GALNT18: variants seen among roughly 807,000 people sequenced by gnomAD.
The protein encoded by GALNT18 is polypeptide N-acetylgalactosaminyltransferase 18.
In GALNT18, 44 loss-of-function variants were observed where a neutral mutation model predicts 69.5. That is an observed-to-expected ratio of 0.63 (90% CI 0.50 to 0.81). GALNT18 has a LOEUF of 0.81. Among genes scored for constraint, GALNT18 ranks in the 40% least tolerant of loss-of-function variants. The pLI is 0.00. For missense variants in GALNT18, 715 were observed against 810.0 expected (o/e 0.88, Z 1.42); for synonymous variants, 364 against 318.2 (o/e 1.14, Z -1.53).
At chr11:11,513,168 C>T (rs1047175586) in intron 1 of GALNT18, among the ~76,000 whole-genome samples, 1 of 152,170 alleles carries the variant, frequency 6.6e-6, no homozygotes, top group Admixed American at 6.5e-5. Flanking sequence ...CAAGTCCAAA[C>T]TTGAGTGCTC....
intron 8 of GALNT18, among the ~76,000 whole-genome samples, chr11:11,329,688 C>T (rs1435624036): frequency 2.0e-5 from 3 of 152,228 alleles, no homozygotes. Flanking sequence ...GTCTCAGTCT[C>T]ACTGTATATC....
chr11:11,432,510 G>T lies in GALNT18; in HGVS notation c.595+111C>A. The T allele has an allele frequency of 9.1e-7, 1 of 1,103,368 alleles. No homozygotes were observed. Among genetic ancestry groups the T allele is most frequent in the Non-Finnish European group, 1.3e-6 (1 of 780,014 alleles). 68.3% of individuals were successfully genotyped at this position (1,103,368 alleles called of 1,614,324 possible). A position where few individuals can be genotyped will look rare whatever the true frequency, so the allele number is the denominator to read the frequency against. On this transcript the variant is annotated intron_variant, in intron 3 of 10. Coordinates refer to ENST00000227756, the MANE Select transcript of GALNT18 (RefSeq NM_198516.3). The surrounding 1 kb of genome is among the most constrained non-coding windows in gnomAD (Gnocchi z 5.8). ...ATGAATTTCTCATCTATGCTCCAGA[G>T]AAAGAGCAGCCACAGACAGCCTTGA...
rs556093405 is a variant in GALNT18 at position 11,346,959 on chromosome 11, G to A, written c.1093-5955C>T. 5.9e-5 allele frequency among the ~76,000 whole-genome samples: 9 copies of A among 152,268 alleles called. No individual in the cohort carries two copies. The East Asian group carries it at 1.7e-3, about 29-fold the overall frequency. On this transcript the variant is annotated intron_variant, in intron 6 of 10. Transcript: ENST00000227756. Reference sequence around the variant, plus strand: ...TTTTCTTGGGAATAATGATTCCCCAGGTTTAAAAGAGATGCTGTATATGAC... The same window carrying A: ...TTTTCTTGGGAATAATGATTCCCCAAGTTTAAAAGAGATGCTGTATATGAC...
intron 1 of GALNT18, among the ~76,000 whole-genome samples, chr11:11,553,250 A>T (rs1178053422): frequency 2.0e-5 from 3 of 152,116 alleles, no homozygotes; most frequent in Non-Finnish European, 4.4e-5. Context: ...CTGCTTCCAG[A>T]TTAGTTATCT....
chr11:11,463,622 C>A lies in GALNT18; in HGVS notation c.236-14686G>T, dbSNP rs1361819028. Among the ~76,000 whole-genome samples the A allele has an allele frequency of 6.6e-6, 1 of 152,194 alleles. No homozygotes were observed. The highest frequency in any genetic ancestry group is 1.5e-5 in the Non-Finnish European group (1 of 68,036). On this transcript the variant is annotated intron_variant, in intron 1 of 10. Transcript: ENST00000227756. This position sits in a 1 kb window ranked among gnomAD's most constrained non-coding sequence, Gnocchi z 4.2. ...TAAGTCGTAAATCTCTCACCCCCAG[C>A]AGTCACAGCTGTATTTCATCAGGGA...
intron 1 of GALNT18, among the ~76,000 whole-genome samples, chr11:11,482,193 G>C (rs1407093489): frequency 1.3e-5 from 2 of 152,226 alleles, no homozygotes; most frequent in African/African-American, 4.8e-5. Flanking sequence ...GGGTGAGAAA[G>C]AACATTCAGC....
intron 3 of GALNT18, among the ~76,000 whole-genome samples, chr11:11,398,557 G>A (rs546845920): frequency 5.9e-5 from 9 of 152,250 alleles, no homozygotes; most frequent in African/African-American, 1.4e-4. Context: ...TCAGGCAGTC[G>A]GGCTTCAGCT....
chr11:11,612,992 G>A (rs1402520444), intron 1 of GALNT18, among the ~76,000 whole-genome samples: 4 of 152,108 alleles, frequency 2.6e-5, no homozygotes, highest in African/African-American at 7.2e-5. Context: ...TGTTTATGGT[G>A]GCTGGACACT....
In GALNT18 at chr11:11,601,237, T is replaced by C. The variant is rs1859627268; in HGVS notation, c.235+20122A>G. ...ACTATATTTTAGACACTTTGAATACTGATTAATCCCCCACCCAAGGACTTC... is the reference window on the plus strand; with the variant it reads ...ACTATATTTTAGACACTTTGAATACCGATTAATCCCCCACCCAAGGACTTC... On this transcript the variant is annotated intron_variant, in intron 1 of 10. Transcript: ENST00000227756. This position sits in a 1 kb window ranked among gnomAD's most constrained non-coding sequence, Gnocchi z 4.0. 6.6e-6 allele frequency among the ~76,000 whole-genome samples: 1 copy of C among 152,226 alleles called. No homozygotes were observed. Among genetic ancestry groups the C allele is most frequent in the Non-Finnish European group, 1.5e-5 (1 of 68,034 alleles).
intron 1 of GALNT18, among the ~76,000 whole-genome samples, chr11:11,547,262 C>T (rs1858076704): frequency 6.6e-6 from 1 of 151,748 alleles, no homozygotes; most frequent in African/African-American, 2.4e-5. Context: ...CTGGGTGAGA[C>T]AGATCTTTCC....
chr11:11,551,993 C>T (rs11021922), intron 1 of GALNT18, among the ~76,000 whole-genome samples: 22 of 152,224 alleles, frequency 1.4e-4, no homozygotes, highest in East Asian at 3.9e-4. Flanking sequence ...ATCACAATGG[C>T]GGAATGTCAT....
chr11:11,327,346 G>C (rs892890512), intron 8 of GALNT18, among the ~76,000 whole-genome samples, 165 bp from the exon 9 acceptor site: 3 of 152,230 alleles, frequency 2.0e-5, no homozygotes, highest in Non-Finnish European at 4.4e-5. Context: ...TTTGCCTTGC[G>C]TAAAGGTGCT....
At chr11:11,556,878 A>G (rs137855366) in intron 1 of GALNT18, among the ~76,000 whole-genome samples, 1 of 152,248 alleles carries the variant, frequency 6.6e-6, no homozygotes, top group African/African-American at 2.4e-5. Context: ...AAAGGTGTAC[A>G]GATCCTATTA....
At chr11:11,428,849 AG>A (rs11359139) in intron 3 of GALNT18, among the ~76,000 whole-genome samples, 18,614 of 152,270 alleles carry the variant, frequency 0.12, 1,551 homozygotes, top group East Asian at 0.38. Flanking sequence ...GCACATTGTG[AG>A]GGTAAGTATT....
At position 11,301,749 on chromosome 11, in the gene GALNT18, C is replaced by T. The variant is rs184842481; in HGVS notation, c.1513-8556G>A. Among the ~76,000 whole-genome samples, 372 of 152,312 alleles carry T rather than the reference C, an allele frequency of 2.4e-3. 4 individuals are homozygous for T. The highest frequency in any genetic ancestry group is 8.5e-3 in the African/African-American group (354 of 41,564). On this transcript the variant is annotated intron_variant, in intron 9 of 10. Coordinates refer to ENST00000227756, the MANE Select transcript of GALNT18 (RefSeq NM_198516.3). ...CGATCCCATTCAATTCAACAAACAC[C>T]CTCTTTGCCTCTCGGGTGCCAGGGC... is the stretch of plus-strand genomic sequence containing the variant.
chr11:11,308,735 C>T (rs1358385264), intron 9 of GALNT18, among the ~76,000 whole-genome samples: 1 of 152,196 alleles, frequency 6.6e-6, no homozygotes, highest in Non-Finnish European at 1.5e-5. Context: ...CCATTGCCCT[C>T]TGCCCATGTT....
chr11:11,352,951 T>G (rs1259039459), intron 6 of GALNT18: 3 of 1,614,106 alleles, frequency 1.9e-6, no homozygotes, highest in African/African-American at 2.7e-5. Context: ...GTGATGTTGA[T>G]GGCTTCAAAT....
rs34393732 is a variant in GALNT18 at position 11,326,041 on chromosome 11, C to CTT, written c.1512+1043_1512+1044dup. ...TAGGCATATCTTACATGCTAAATAT[C>CTT]TTTTTTTTTTTTTTTTTTTTTGAGA... On this transcript the variant is annotated intron_variant, in intron 9 of 10. Transcript: ENST00000227756. 4.1e-3 allele frequency among the ~76,000 whole-genome samples: 432 copies of CTT among 105,386 alleles called. 4 individuals are homozygous for CTT. Among genetic ancestry groups the CTT allele is most frequent in the Middle Eastern group, 5.9e-3 (1 of 170 alleles). 69.1% of individuals were successfully genotyped at this position (105,386 alleles called of 152,430 possible).
intron 9 of GALNT18, among the ~76,000 whole-genome samples, chr11:11,293,602 G>A (rs915525811): frequency 5.6e-5 from 8 of 143,470 alleles, no homozygotes; most frequent in Admixed American, 1.4e-4. Context: ...GTGCAGTGGC[G>A]CTATTTCGGC....
Sources: allele counts gnomAD v4.1 joint callset (sites outside exome capture counted in the v4.1 genomes callset), GRCh38; gene constraint gnomAD v4.1.1; non-coding constraint Gnocchi (gnomAD v3.1); transcripts MANE v1.5; gene names NCBI Gene and HGNC (gene_info 2026-07-23, HGNC 2026-07-21).